The following ZNF385D variants were observed in gnomAD, a reference collection of about 807,000 sequenced individuals.
ZNF385D encodes zinc finger protein 659.
Under a neutral mutation model 35.8 loss-of-function variants are expected in ZNF385D, and 15 were observed. That is an observed-to-expected ratio of 0.42 (90% CI 0.28 to 0.64). The LOEUF is 0.64. Ranked by LOEUF, ZNF385D falls within the 30% of genes least tolerant of loss-of-function variation. The pLI is 0.23. For synonymous variants in ZNF385D, 212 were observed against 186.8 expected, an observed-to-expected ratio of 1.13 and a Z score of -1.10; for missense variants, 474 against 494.6, an observed-to-expected ratio of 0.96 and a Z score of 0.39.
chr3:22,078,416 A>G (rs1274474092), intron 3 of ZNF385D, among the ~76,000 whole-genome samples: 1 of 152,062 alleles, frequency 6.6e-6, no homozygotes, highest in African/African-American at 2.4e-5. Context: ...GCTACCATCA[A>G]GTGTGAATGT....
chr3:21,880,498 A>G (rs1698219786), intron 3 of ZNF385D, among the ~76,000 whole-genome samples: 1 of 152,000 alleles, frequency 6.6e-6, no homozygotes, highest in Non-Finnish European at 1.5e-5. Flanking sequence ...GAGATGGCAA[A>G]CTTCATTGAT....
At chr3:22,307,461 T>G (rs1459728146) in intron 2 of ZNF385D, among the ~76,000 whole-genome samples, 4 of 152,116 alleles carry the variant, frequency 2.6e-5, no homozygotes, top group Non-Finnish European at 4.4e-5. Context: ...CACATGGAAA[T>G]AAGAATTGAA....
At chr3:22,142,085 C>T (rs756077020) in intron 3 of ZNF385D, among the ~76,000 whole-genome samples, 1 of 152,192 alleles carries the variant, frequency 6.6e-6, no homozygotes, top group Non-Finnish European at 1.5e-5. Flanking sequence ...CTGTAATTCT[C>T]AGGCACAAAG....
At chr3:21,662,777 G>A (rs984308716) in intron 2 of ZNF385D, among the ~76,000 whole-genome samples, 24 of 152,240 alleles carry the variant, frequency 1.6e-4, no homozygotes, top group African/African-American at 5.8e-4. Flanking sequence ...CCATGATGGA[G>A]GAAAAAGAAT....
At chr3:22,129,278 G>A (rs549773149) in intron 3 of ZNF385D, among the ~76,000 whole-genome samples, 6 of 152,230 alleles carry the variant, frequency 3.9e-5, no homozygotes, top group East Asian at 1.9e-4. Flanking sequence ...ACTGTGCCTC[G>A]TCATACCTGA....
chr3:21,726,725 T>C (rs1280428820), intron 1 of ZNF385D, among the ~76,000 whole-genome samples: 1 of 152,098 alleles, frequency 6.6e-6, no homozygotes, highest in African/African-American at 2.4e-5. Flanking sequence ...AGAACCAATA[T>C]CGTGAAAATG....
intron 3 of ZNF385D, among the ~76,000 whole-genome samples, chr3:22,164,216 CTTTTTTTTTTTTTTTT>C (rs571978176): frequency 4.0e-5 from 3 of 74,950 alleles, no homozygotes; most frequent in Admixed American, 1.7e-4. Flanking sequence ...AAAAGGAGCA[CTTTTTTTTTTTTTTTT>C]TTTTTTTTTT....
At chr3:21,532,593 C>A (rs977335126) in intron 3 of ZNF385D, among the ~76,000 whole-genome samples, 2 of 151,836 alleles carry the variant, frequency 1.3e-5, no homozygotes, top group African/African-American at 4.8e-5. Flanking sequence ...ACCATCTGTA[C>A]CCCATAATTG....
At chr3:21,942,251 G>T (rs1366029298) in intron 3 of ZNF385D, among the ~76,000 whole-genome samples, 1 of 152,072 alleles carries the variant, frequency 6.6e-6, no homozygotes, top group African/African-American at 2.4e-5. Flanking sequence ...AAAATAAAAT[G>T]ACTCCTTTTT....
intron 4 of ZNF385D, among the ~76,000 whole-genome samples, chr3:21,472,757 C>A (rs1299455898): frequency 1.3e-5 from 2 of 152,070 alleles, no homozygotes; most frequent in African/African-American, 4.8e-5. Context: ...CTCATCATAG[C>A]CTGTCTAAAT....
At chr3:21,670,776 C>T (rs1350297129) in intron 1 of ZNF385D, among the ~76,000 whole-genome samples, 1 of 149,574 alleles carries the variant, frequency 6.7e-6, no homozygotes, top group Non-Finnish European at 1.5e-5. Flanking sequence ...CCTACTTATA[C>T]CCCCTCCCTC....
At chr3:21,691,351 C>G (rs1308805070) in intron 1 of ZNF385D, among the ~76,000 whole-genome samples, 1 of 152,118 alleles carries the variant, frequency 6.6e-6, no homozygotes, top group Non-Finnish European at 1.5e-5. Flanking sequence ...AGTCTACTTC[C>G]TTTCCCACCC....
chr3:22,161,899 G>A (rs1705979316), intron 3 of ZNF385D, among the ~76,000 whole-genome samples: 1 of 152,138 alleles, frequency 6.6e-6, no homozygotes, highest in Admixed American at 6.6e-5. Context: ...AGATTAATGA[G>A]TTGTCAATAA....
rs76484843 is a variant in ZNF385D, at chr3:22,063,419, T to C, written c.325+105398A>G. Among the ~76,000 whole-genome samples the C allele has an allele frequency of 2.0e-5, 3 of 152,262 alleles. No homozygotes were observed. In the East Asian group the frequency reaches 5.8e-4, roughly 29 times the overall value. On this transcript the variant is annotated intron_variant, in intron 3 of 5. Transcript: ENST00000494108. ...TTACAGAGAGCCTAGTTTCTAAAAG[T>C]ATCATGATACAAAATTTCATCTGCA...
intron 3 of ZNF385D, among the ~76,000 whole-genome samples, chr3:21,546,478 C>A (rs539182893): frequency 1.2e-4 from 18 of 152,168 alleles, no homozygotes; most frequent in Middle Eastern, 3.4e-3. Context: ...GACATCCTTT[C>A]CTCTCCCTTG....
At chr3:21,739,857 C>T (rs973383517) in intron 1 of ZNF385D, among the ~76,000 whole-genome samples, 3 of 152,198 alleles carry the variant, frequency 2.0e-5, no homozygotes, top group African/African-American at 7.2e-5. Flanking sequence ...AACCTGGTGA[C>T]AGTGTTTCCA....
intron 3 of ZNF385D, among the ~76,000 whole-genome samples, chr3:21,560,195 C>T (rs2062889647): frequency 6.6e-6 from 1 of 152,138 alleles, no homozygotes; most frequent in East Asian, 1.9e-4. Flanking sequence ...CTGTTTTGTT[C>T]TCTTACTGGC....
intron 3 of ZNF385D, among the ~76,000 whole-genome samples, chr3:21,554,642 A>G (rs1318609549): frequency 6.6e-6 from 1 of 152,168 alleles, no homozygotes. Flanking sequence ...TAATCTTCCA[A>G]TAGAATGCTC....
At chr3:21,446,027 T>C (rs375922) in intron 4 of ZNF385D, among the ~76,000 whole-genome samples, 100,288 of 152,096 alleles carry the variant, frequency 0.66, 33,333 homozygotes, top group African/African-American at 0.72. Flanking sequence ...TGTGAGACTT[T>C]AGTATGCGTC....
Sources: gnomAD v4.1 joint callset for allele counts (sites outside exome capture counted in the v4.1 genomes callset) on GRCh38, gnomAD v4.1.1 for gene constraint, MANE v1.5 for transcripts, NCBI Gene and HGNC (gene_info 2026-07-23, HGNC 2026-07-21) for gene names.